Variants in PDSS2 observed in about 807,000 individuals in gnomAD.
The protein encoded by PDSS2 is decaprenyl diphosphate synthase subunit 2.
PDSS2 carries 31 observed loss-of-function variants against 44.5 expected under a neutral mutation model. That is an observed-to-expected ratio of 0.70 (90% CI 0.52 to 0.94). The LOEUF (loss-of-function observed/expected upper bound fraction) is 0.94, where lower values mean the gene tolerates loss of function less well. Ranked by LOEUF, PDSS2 falls within the 40% of genes least tolerant of loss-of-function variation. The pLI, the probability that PDSS2 is intolerant of heterozygous loss-of-function variation, is 0.00. For synonymous variants in PDSS2, 157 were observed against 180.3 expected (o/e 0.87, Z 1.03); for missense variants, 452 against 482.2 (o/e 0.94, Z 0.59).
intron 2 of PDSS2, among the ~76,000 whole-genome samples, chr6:107,309,417 C>T (rs1047757164): frequency 6.6e-6 from 1 of 152,198 alleles, no homozygotes; most frequent in Non-Finnish European, 1.5e-5. Flanking sequence ...GTGATACAGA[C>T]AACACTCTGG....
Position 107,154,367 on chromosome 6 carries a change from C to T in PDSS2, c.*252G>A, listed in dbSNP as rs1770808689. 4 of 453,758 alleles carry T rather than the reference C, an allele frequency of 8.8e-6. No individual in the cohort carries two copies. In the Middle Eastern group the frequency reaches 2.0e-3, roughly 222 times the overall value. The allele number at this position is 453,758 out of a possible 1,614,324, so 28.1% of individuals were successfully genotyped here. A position where few individuals can be genotyped will look rare whatever the true frequency, so the allele number is the denominator to read the frequency against. ...TTGCTGAGGTCACAGGAGCGAATCT[C>T]ATTAATTATTTCTGCGACTGCAGCC... On this transcript the variant is annotated 3_prime_UTR_variant, in exon 8 of 8. Transcript: ENST00000369037.
In PDSS2 at chr6:107,404,182, C is replaced by T. The variant is rs1265386154; in HGVS notation, c.296+54808G>A. On this transcript the variant is annotated intron_variant, in intron 1 of 7. Coordinates refer to ENST00000369037, the MANE Select transcript of PDSS2 (RefSeq NM_020381.4). ...GCTAAAGCACAACAAGAGTCACCTT[C>T]GGTCCAGTTCCCAACAAGTTCCTCA... 5.3e-5 allele frequency among the ~76,000 whole-genome samples: 8 copies of T among 152,278 alleles called. No individual in the cohort carries two copies. The South Asian group carries it at 8.3e-4, about 16-fold the overall frequency.
chr6:107,276,288 T>G (rs1273065474), intron 2 of PDSS2, among the ~76,000 whole-genome samples: 1 of 152,162 alleles, frequency 6.6e-6, no homozygotes, highest in Non-Finnish European at 1.5e-5. Context: ...CCCAGCTGGA[T>G]TTCAGAATTG....
intron 3 of PDSS2, among the ~76,000 whole-genome samples, chr6:107,255,736 T>A (rs1774997546): frequency 6.6e-6 from 1 of 152,216 alleles, no homozygotes; most frequent in African/African-American, 2.4e-5. Flanking sequence ...GTATAGTTCA[T>A]ACCTTGTTAG....
chr6:107,246,606 G>T (rs773185363), intron 3 of PDSS2, among the ~76,000 whole-genome samples: 14 of 152,144 alleles, frequency 9.2e-5, no homozygotes, highest in African/African-American at 2.4e-5. Context: ...AAAGAATACA[G>T]ACCCAAACAA....
chr6:107,263,661 A>G (rs946924390), intron 3 of PDSS2, among the ~76,000 whole-genome samples: 1 of 152,206 alleles, frequency 6.6e-6, no homozygotes, highest in African/African-American at 2.4e-5. Context: ...AATATTATTT[A>G]AAATTCGTCT....
intron 2 of PDSS2, among the ~76,000 whole-genome samples, chr6:107,313,876 T>A (rs1777122893): frequency 6.6e-6 from 1 of 152,004 alleles, no homozygotes; most frequent in African/African-American, 2.4e-5. Flanking sequence ...TGAGGTCAGG[T>A]GTGGTGGCTC....
chr6:107,454,953 C>T lies in PDSS2; in HGVS notation c.296+4037G>A, dbSNP rs189610809. On this transcript the variant is annotated intron_variant, in intron 1 of 7. Transcript: ENST00000369037. Reference sequence around the variant, plus strand: ...AAATATATACAGATACATATCCACACCCCAAAAGTTTCTTCATTGGCTGTC... The same window carrying T: ...AAATATATACAGATACATATCCACATCCCAAAAGTTTCTTCATTGGCTGTC... 9.2e-5 allele frequency among the ~76,000 whole-genome samples: 14 copies of T among 152,146 alleles called. 1 individual carries two copies. In the East Asian group the frequency reaches 2.5e-3, roughly 27 times the overall value.
rs142659062 is a variant in PDSS2 at position 107,239,396 on chromosome 6, A to G, written c.702+6152T>C. 3.5e-3 allele frequency among the ~76,000 whole-genome samples: 531 copies of G among 151,662 alleles called. 1 individual carries two copies. The highest frequency in any genetic ancestry group is 0.012 in the African/African-American group (513 of 41,518). ...GAAGAAATATTAAACAATCATTAAA[A>G]TTATATTTTTGAAGACTTTTAATGA... On this transcript the variant is annotated intron_variant, in intron 4 of 7. Transcript: ENST00000369037.
intron 6 of PDSS2, among the ~76,000 whole-genome samples, chr6:107,197,480 C>CAAAAAAA (rs1211356401): frequency 4.9e-5 from 4 of 82,402 alleles, no homozygotes; most frequent in Non-Finnish European, 7.3e-5. Context: ...ACCCCCATCT[C>CAAAAAAA]AAAAAAAAAA....
rs756043067 is a variant in PDSS2 at position 107,207,978 on chromosome 6, G to GTTTTTTTTTTTTT, written c.1008+2448_1008+2460dup. Among the ~76,000 whole-genome samples, 36 of 67,552 alleles carry GTTTTTTTTTTTTT rather than the reference G, an allele frequency of 5.3e-4. 1 individual carries two copies. The highest frequency in any genetic ancestry group is 2.4e-3 in the East Asian group (4 of 1,662). 44.3% of individuals were successfully genotyped at this position (67,552 alleles called of 152,430 possible). ...TTTTAGTTTTCTCTGTCTATGACTT[G>GTTTTTTTTTTTTT]TTTTTTTTTTTTTTTTTTTTTTTAT... is the stretch of plus-strand genomic sequence containing the variant. On this transcript the variant is annotated intron_variant, in intron 6 of 7. Coordinates refer to ENST00000369037, the MANE Select transcript of PDSS2 (RefSeq NM_020381.4).
chr6:107,289,327 C>T (rs1291184679), intron 2 of PDSS2, among the ~76,000 whole-genome samples: 1 of 149,274 alleles, frequency 6.7e-6, no homozygotes, highest in African/African-American at 2.5e-5. Flanking sequence ...GAGCCGATAT[C>T]GTGCCACTGC....
At position 107,224,885 on chromosome 6, in the gene PDSS2, T is replaced by C. The variant is rs532306460; in HGVS notation, c.703-12603A>G. On this transcript the variant is annotated intron_variant, in intron 4 of 7. Coordinates refer to ENST00000369037, the MANE Select transcript of PDSS2 (RefSeq NM_020381.4). ...TTTCTGAGGGTCAGGAATCCAGGAA[T>C]GGCTCAGCTGGCTGGTTCTGGCTCA... 4.0e-5 allele frequency among the ~76,000 whole-genome samples: 6 copies of C among 150,582 alleles called. No individual in the cohort carries two copies. In the South Asian group the frequency reaches 1.2e-3, roughly 31 times the overall value.
chr6:107,444,614 T>C (rs1045300204), intron 1 of PDSS2, among the ~76,000 whole-genome samples: 11 of 152,208 alleles, frequency 7.2e-5, no homozygotes, highest in African/African-American at 2.4e-4. Flanking sequence ...AAAAAGTTCT[T>C]CATAAGTAAT....
At chr6:107,204,366 T>TA (rs1772900394) in intron 6 of PDSS2, among the ~76,000 whole-genome samples, 1 of 152,224 alleles carries the variant, frequency 6.6e-6, no homozygotes. Flanking sequence ...TATCAGTTGA[T>TA]AGACACTGGG....
intron 3 of PDSS2, among the ~76,000 whole-genome samples, chr6:107,262,834 C>T (rs1775286221): frequency 1.3e-5 from 2 of 151,948 alleles, no homozygotes; most frequent in African/African-American, 4.8e-5. Flanking sequence ...GTCATCTCAA[C>T]ACTTGGGGAG....
intron 3 of PDSS2, among the ~76,000 whole-genome samples, chr6:107,271,585 T>A (rs1317891821): frequency 6.6e-6 from 1 of 152,232 alleles, no homozygotes; most frequent in African/African-American, 2.4e-5. Flanking sequence ...CACAGCCAGC[T>A]TCTCCCACCA....
At chr6:107,360,169 A>T (rs1372466149) in intron 1 of PDSS2, among the ~76,000 whole-genome samples, 1 of 152,204 alleles carries the variant, frequency 6.6e-6, no homozygotes, top group African/African-American at 2.4e-5. Context: ...ATTATACTGG[A>T]GATTGCTAAA....
At chr6:107,170,695 C>A (rs1771542511) in intron 7 of PDSS2, among the ~76,000 whole-genome samples, 1 of 151,616 alleles carries the variant, frequency 6.6e-6, no homozygotes, top group Admixed American at 6.6e-5. Context: ...TCACTGCAAC[C>A]TCCACCTCCC....
Sources: gnomAD v4.1 joint callset for allele counts (sites outside exome capture counted in the v4.1 genomes callset) on GRCh38, gnomAD v4.1.1 for gene constraint, MANE v1.5 for transcripts, NCBI Gene and HGNC (gene_info 2026-07-23, HGNC 2026-07-21) for gene names.